The following DNMT1 variants were observed in gnomAD, a reference collection of about 807,000 sequenced individuals.
DNMT1 encodes DNA (cytosine-5)-methyltransferase 1.
A neutral mutation model predicts 205.3 loss-of-function variants in DNMT1; 24 were observed. The ratio of observed to expected loss-of-function variants is 0.12; its 90% CI spans 0.08 to 0.16. The LOEUF is 0.16. Among genes scored for constraint, DNMT1 ranks in the 10% least tolerant of loss-of-function variants. The probability of loss-of-function intolerance (pLI) is 1.00; values close to 1 mark genes in which losing one functional copy is unlikely to be tolerated. For missense variants in DNMT1, 1,293 were observed against 2,177.7 expected (o/e 0.59, Z 8.09); for synonymous variants, 817 against 839.8 (o/e 0.97, Z 0.47).
In DNMT1 at chr19:10,154,287, G is replaced by A. The variant is rs1243139963; in HGVS notation, c.2019+6C>T. On this transcript the variant is annotated splice_donor_region_variant and intron_variant, in intron 22 of 40. Coordinates refer to ENST00000359526, the MANE Select transcript of DNMT1 (RefSeq NM_001130823.3). The surrounding 1 kb of genome is among the most constrained non-coding windows in gnomAD (Gnocchi z 6.3). ...GGGGAGCGGGAGCACCCACAGGTGAGGTTACCTCACAGACGCCACATCGCC... is the reference window on the plus strand; with the variant it reads ...GGGGAGCGGGAGCACCCACAGGTGAAGTTACCTCACAGACGCCACATCGCC... 1 of 1,614,008 alleles carries A rather than the reference G, an allele frequency of 6.2e-7. No homozygotes were observed. The highest frequency in any genetic ancestry group is 1.7e-5 in the Admixed American group (1 of 60,018).
At position 10,137,603 on chromosome 19, in the gene DNMT1, GGTGGGCA is replaced by G; in HGVS notation, c.4293+222_4293+228del. 1 of 675,236 alleles carries G rather than the reference GGTGGGCA, an allele frequency of 1.5e-6. No individual in the cohort carries two copies. Among genetic ancestry groups the G allele is most frequent in the Non-Finnish European group, 2.5e-6 (1 of 395,870 alleles). 41.8% of individuals were successfully genotyped at this position (675,236 alleles called of 1,614,324 possible). ...GGCAGCAAGGGGGAAGGCAGTGGTG[GGTGGGCA>G]GTGGCTTGACACCATTCCAGACCAA... On this transcript the variant is annotated intron_variant, in intron 36 of 40. Coordinates refer to ENST00000359526, the MANE Select transcript of DNMT1 (RefSeq NM_001130823.3). The surrounding 1 kb of genome is among the most constrained non-coding windows in gnomAD (Gnocchi z 6.4).
Position 10,139,824 on chromosome 19 carries a change from G to T in DNMT1, c.3807-7C>A. The stretch of plus-strand genomic sequence containing the variant: ...CCGGTAGTAGTCGCAGTAGCTGTAG[G>T]GGGCAGGAGAGACTGCAGGAGTCAC... On this transcript the variant is annotated splice_polypyrimidine_tract_variant and splice_region_variant and intron_variant, in intron 33 of 40. Coordinates refer to ENST00000359526, the MANE Select transcript of DNMT1 (RefSeq NM_001130823.3). 30 of 1,572,098 alleles carry T rather than the reference G, an allele frequency of 1.9e-5. No individual in the cohort carries two copies. The highest frequency in any genetic ancestry group is 1.7e-4 in the Middle Eastern group (1 of 6,002).
rs943719269 is a variant in DNMT1, at chr19:10,194,945, G to T, written c.-46C>A. ...CGGCGGCGGCAGCGCAGGCGCCCCG[G>T]CTTTTCGCGCGGAAACCGATGGGGA... On this transcript the variant is annotated 5_prime_UTR_variant, in exon 1 of 41. Coordinates refer to ENST00000359526, the MANE Select transcript of DNMT1 (RefSeq NM_001130823.3). 12 of 1,569,962 alleles carry T rather than the reference G, an allele frequency of 7.6e-6. No homozygotes were observed. The highest frequency in any genetic ancestry group is 1.4e-5 in the African/African-American group (1 of 73,302).
rs1311732871 is a variant in DNMT1 at position 10,151,661 on chromosome 19, T to C, written c.2117+89A>G. On this transcript the variant is annotated intron_variant, in intron 23 of 40. Coordinates refer to ENST00000359526, the MANE Select transcript of DNMT1 (RefSeq NM_001130823.3). This position sits in a 1 kb window ranked among gnomAD's most constrained non-coding sequence, Gnocchi z 5.0. ...ATGCCTAACGAAGGAATCCTGGTGC[T>C]GTCCCACACATGCAGGCCCTTCTCC... is the stretch of plus-strand genomic sequence containing the variant. 11 of 1,607,104 alleles carry C rather than the reference T, an allele frequency of 6.8e-6. No individual in the cohort carries two copies. Among genetic ancestry groups the C allele is most frequent in the Non-Finnish European group, 8.5e-6 (10 of 1,174,800 alleles).
chr19:10,182,733 G>A (rs1163155611), intron 1 of DNMT1, among the ~76,000 whole-genome samples: 4 of 151,326 alleles, frequency 2.6e-5, no homozygotes, highest in African/African-American at 4.9e-5. Flanking sequence ...GCAGTGGTGC[G>A]ATCTCAGCTC....
chr19:10,189,381 A>G (rs1338230188), intron 1 of DNMT1, among the ~76,000 whole-genome samples: 2 of 151,510 alleles, frequency 1.3e-5, no homozygotes, highest in Non-Finnish European at 2.9e-5. Context: ...TTGGCCTCCC[A>G]AAGTGCTGGG....
intron 19 of DNMT1, 64 bp downstream of exon 19, chr19:10,155,789 C>G: frequency 6.5e-7 from 1 of 1,534,668 alleles, no homozygotes; most frequent in Non-Finnish European, 8.9e-7. Context: ...CGTCAGCCCC[C>G]AGGAAGGAGA....
Position 10,146,600 on chromosome 19 carries a change from A to AT in DNMT1, c.2721-77dup. ...GGCCGCAGCAGCTACTGCCAGCTTA[A>AT]TCCAGAGACTCTGGTAACCAAGAGG... is the stretch of plus-strand genomic sequence containing the variant. On this transcript the variant is annotated intron_variant, in intron 27 of 40. Coordinates refer to ENST00000359526, the MANE Select transcript of DNMT1 (RefSeq NM_001130823.3). This position sits in a 1 kb window ranked among gnomAD's most constrained non-coding sequence, Gnocchi z 4.4. 6.3e-7 allele frequency: 1 copy of AT among 1,580,036 alleles called. No individual in the cohort carries two copies.
rs2038334695 is a variant in DNMT1 at position 10,151,169 on chromosome 19, T to C, written c.2265+229A>G. ...CCCCTAGAACTGTGTCAAATGCCCA[T>C]TTTGGGACATTAGGAGAACTGAGCC... On this transcript the variant is annotated intron_variant, in intron 24 of 40. Coordinates refer to ENST00000359526, the MANE Select transcript of DNMT1 (RefSeq NM_001130823.3). This position sits in a 1 kb window ranked among gnomAD's most constrained non-coding sequence, Gnocchi z 5.0. 6.6e-6 allele frequency among the ~76,000 whole-genome samples: 1 copy of C among 152,126 alleles called. No individual in the cohort carries two copies. Among genetic ancestry groups the C allele is most frequent in the African/African-American group, 2.4e-5 (1 of 41,438 alleles).
chr19:10,177,268 G>A (rs1255490962), intron 6 of DNMT1, 24 bp downstream of exon 6: 1 of 1,612,756 alleles, frequency 6.2e-7, no homozygotes, highest in South Asian at 1.1e-5. Flanking sequence ...AAAAAAGGCA[G>A]CCGCCAATTT....
At chr19:10,149,367 A>G (rs2038285710) in intron 26 of DNMT1, 86 bp downstream of exon 26, 1 of 1,499,658 alleles carries the variant, frequency 6.7e-7, no homozygotes, top group Non-Finnish European at 9.1e-7. Context: ...ATTAAAAAAA[A>G]ATACAAATCA....
At chr19:10,168,107 A>C (rs1269434557) in intron 10 of DNMT1, among the ~76,000 whole-genome samples, 1 of 152,100 alleles carries the variant, frequency 6.6e-6, no homozygotes, top group Non-Finnish European at 1.5e-5. Flanking sequence ...TGGGTGACAC[A>C]GCAAGACTCC....
chr19:10,182,451 GTGTATATATATGTGTGTATATATATA>G (rs2039077558), intron 1 of DNMT1, among the ~76,000 whole-genome samples: 5 of 129,738 alleles, frequency 3.9e-5, no homozygotes, highest in Non-Finnish European at 6.4e-5. Flanking sequence ...ACATATATAT[GTGTATATATATGTGTGTATATATATA>G]CATATATATG....
intron 1 of DNMT1, among the ~76,000 whole-genome samples, chr19:10,183,669 G>A (rs2039124329): frequency 6.6e-6 from 1 of 152,134 alleles, no homozygotes; most frequent in African/African-American, 2.4e-5. Flanking sequence ...CTGAGGTCAA[G>A]GGTTTGAGAC....
At position 10,143,933 on chromosome 19, in the gene DNMT1, G is replaced by T. The variant is rs764301881; in HGVS notation, c.2949C>A (p.Asp983Glu). The T allele has an allele frequency of 8.1e-6, 13 of 1,614,018 alleles. No homozygotes were observed. In the Admixed American group the frequency reaches 8.3e-5, roughly 10 times the overall value. ...KRPRKEPVDE[D>E]LYPEHYRKYS... ...ATTTCCGGTAGTGCTCTGGGTACAGGTCCTCATCCACGGGCTCCTTCCGTG... is the reference window on the plus strand; with the variant it reads ...ATTTCCGGTAGTGCTCTGGGTACAGTTCCTCATCCACGGGCTCCTTCCGTG... The change falls in exon 29 of 41, where the codon GAC (aspartate) becomes GAA (glutamate). Residue 983 changes from aspartate (D) to glutamate (E), a missense_variant. By Grantham distance (45) the Asp-to-Glu change is conservative (BLOSUM62 2). Around this residue, in one of 13 missense-constraint regions of DNMT1, gnomAD observed 167 missense variants for 258.1 expected, o/e 0.65. Transcript: ENST00000359526.
intron 9 of DNMT1, among the ~76,000 whole-genome samples, chr19:10,169,204 A>C (rs1261987662): frequency 1.3e-5 from 2 of 151,936 alleles, no homozygotes; most frequent in African/African-American, 4.8e-5. Context: ...CAGAAACTCC[A>C]CATGTGGTAG....
rs562829485 is a variant in DNMT1, at chr19:10,173,008, CCT to C, written c.768+80_768+81del. 680 of 1,529,992 alleles carry C rather than the reference CCT, an allele frequency of 4.4e-4. 1 individual carries two copies. The highest frequency in any genetic ancestry group is 3.0e-3 in the African/African-American group (217 of 73,316). The allele number at this position is 1,529,992 out of a possible 1,614,324, so 94.8% of individuals were successfully genotyped here. A position where few individuals can be genotyped will look rare whatever the true frequency, so the allele number is the denominator to read the frequency against. ...TCTTGTTCTTCCACGTTCCCCACCC[CCT>C]GTCCCCACGTCCTGGAAGGAAATTG... On this transcript the variant is annotated intron_variant, in intron 9 of 40. Transcript: ENST00000359526.
rs746040806 is a variant in DNMT1, at chr19:10,180,249, T to C, written c.446-15A>G. 14 of 1,425,308 alleles carry C rather than the reference T, an allele frequency of 9.8e-6. No homozygotes were observed. The highest frequency in any genetic ancestry group is 9.6e-6 in the Non-Finnish European group (10 of 1,036,772). The allele number at this position is 1,425,308 out of a possible 1,614,324, so 88.3% of individuals were successfully genotyped here. The stretch of plus-strand genomic sequence containing the variant: ...GTCTCTTGAACCTGGGAGGCAGAGG[T>C]TACAGTGAGCCGAGGTTACACCACT... On this transcript the variant is annotated splice_polypyrimidine_tract_variant and intron_variant, in intron 4 of 40. Transcript: ENST00000359526.
At chr19:10,157,835 C>T (rs981380199) in intron 17 of DNMT1, among the ~76,000 whole-genome samples, 6 of 152,200 alleles carry the variant, frequency 3.9e-5, no homozygotes, top group South Asian at 4.1e-4. Flanking sequence ...TCCCGCTCCC[C>T]GCTGCACAGG....
Sources: gnomAD v4.1 joint callset for allele counts (sites outside exome capture counted in the v4.1 genomes callset) on GRCh38, gnomAD v4.1.1 for gene constraint, gnomAD v4.1.1 regional missense constraint, Gnocchi (gnomAD v3.1) non-coding constraint, MANE v1.5 for transcripts, NCBI Gene and HGNC (gene_info 2026-07-23, HGNC 2026-07-21) for gene names.